Variants in PIM3 observed in about 807,000 individuals in gnomAD.
The protein encoded by PIM3 is serine/threonine-protein kinase pim-3.
A neutral mutation model predicts 27.5 loss-of-function variants in PIM3; 13 were observed. The ratio of observed to expected loss-of-function variants is 0.47; its 90% CI spans 0.31 to 0.75. The LOEUF is 0.75. Among genes scored for constraint, PIM3 ranks in the 30% least tolerant of loss-of-function variants. The pLI is 0.05. For synonymous variants in PIM3, 341 were observed against 221.1 expected, an observed-to-expected ratio of 1.54 and a Z score of -4.81; for missense variants, 482 against 476.9, an observed-to-expected ratio of 1.01 and a Z score of -0.10.
At position 49,963,542 on chromosome 22, in the gene PIM3, C is replaced by G. The variant is rs1025540749; in HGVS notation, c.*415C>G. The G allele has an allele frequency of 6.1e-6, 1 of 163,356 alleles. No individual in the cohort carries two copies. Among genetic ancestry groups the G allele is most frequent in the Non-Finnish European group, 1.3e-5 (1 of 75,046 alleles). 10.1% of individuals were successfully genotyped at this position (163,356 alleles called of 1,614,324 possible). A position where few individuals can be genotyped will look rare whatever the true frequency, so the allele number is the denominator to read the frequency against. On this transcript the variant is annotated 3_prime_UTR_variant, in exon 6 of 6. Transcript: ENST00000360612. ...ATGCAAGTCCTGGCCTCCGCGCCCGCCCGCCCACGCGAGCCGTACCCGCCG... is the reference window on the plus strand; with the variant it reads ...ATGCAAGTCCTGGCCTCCGCGCCCGGCCGCCCACGCGAGCCGTACCCGCCG...
At chr22:49,961,291 C>A (rs1378123758) in intron 2 of PIM3, 27 bp from the exon 3 acceptor site, 1 of 1,540,382 alleles carries the variant, frequency 6.5e-7, no homozygotes, top group Admixed American at 2.0e-5. Flanking sequence ...CCTCGCTTGG[C>A]CCGGCCTGAC....
Position 49,961,165 on chromosome 22 carries a change from G to A in PIM3, c.126G>A (p.Val42=). 1.3e-6 allele frequency: 2 copies of A among 1,532,504 alleles called. No individual in the cohort carries two copies. The highest frequency in any genetic ancestry group is 1.7e-6 in the Non-Finnish European group (2 of 1,143,424). The allele number at this position is 1,532,504 out of a possible 1,614,324, so 94.9% of individuals were successfully genotyped here. A position where few individuals can be genotyped will look rare whatever the true frequency, so the allele number is the denominator to read the frequency against. The change falls in exon 2 of 6, where the codon GTG becomes GTA. Residue 42 remains valine (V), a synonymous_variant. Transcript: ENST00000360612. ...AGAGCTTCGAGAAGGCGTACCAGGTGGGCGCCGTGCTGGGTAGCGGCGGCT... is the reference window on the plus strand; with the variant it reads ...AGAGCTTCGAGAAGGCGTACCAGGTAGGCGCCGTGCTGGGTAGCGGCGGCT... The part of the protein sequence containing the change: ...DKESFEKAYQ[V]GAVLGSGGFG...
In PIM3 at chr22:49,963,296, CT is replaced by C. The variant is rs1407492201; in HGVS notation, c.*171del. The C allele has an allele frequency of 1.3e-5, 10 of 741,104 alleles. No individual in the cohort carries two copies. The Admixed American group carries it at 3.0e-4, about 22-fold the overall frequency. 45.9% of individuals were successfully genotyped at this position (741,104 alleles called of 1,614,324 possible). A position where few individuals can be genotyped will look rare whatever the true frequency, so the allele number is the denominator to read the frequency against. The stretch of plus-strand genomic sequence containing the variant: ...CCTTTTGAACGCTGGTCCCGCGGGA[CT>C]TGGTTTTCTCAAGCTCTGTCTGTCC... On this transcript the variant is annotated 3_prime_UTR_variant, in exon 6 of 6. Coordinates refer to ENST00000360612, the MANE Select transcript of PIM3 (RefSeq NM_001001852.4).
Position 49,963,176 on chromosome 22 carries a change from C to T in PIM3, c.*49C>T, listed in dbSNP as rs536395835. The stretch of plus-strand genomic sequence containing the variant: ...AGGGGACCACCTGCCTTGGCCAGAC[C>T]TGGGACGCCCCCAGACCCTGACTTT... On this transcript the variant is annotated 3_prime_UTR_variant, in exon 6 of 6. Transcript: ENST00000360612. The T allele has an allele frequency of 1.2e-5, 18 of 1,483,256 alleles. No homozygotes were observed. In the South Asian group the frequency reaches 1.3e-4, roughly 11 times the overall value. The allele number at this position is 1,483,256 out of a possible 1,614,324, so 91.9% of individuals were successfully genotyped here. A position where few individuals can be genotyped will look rare whatever the true frequency, so the allele number is the denominator to read the frequency against.
intron 4 of PIM3, among the ~76,000 whole-genome samples, chr22:49,962,442 G>C (rs1408749599): frequency 6.6e-6 from 1 of 150,628 alleles, no homozygotes; most frequent in Non-Finnish European, 1.5e-5. Context: ...GCATCTGTTT[G>C]TTGTGAAAGC....
In PIM3 at chr22:49,963,204, C is replaced by T. The variant is rs914800039; in HGVS notation, c.*77C>T. 4.3e-6 allele frequency: 6 copies of T among 1,403,530 alleles called. No individual in the cohort carries two copies. The African/African-American group carries it at 5.8e-5, about 14-fold the overall frequency. The allele number at this position is 1,403,530 out of a possible 1,614,324, so 86.9% of individuals were successfully genotyped here. On this transcript the variant is annotated 3_prime_UTR_variant, in exon 6 of 6. Coordinates refer to ENST00000360612, the MANE Select transcript of PIM3 (RefSeq NM_001001852.4). The stretch of plus-strand genomic sequence containing the variant: ...GGACGCCCCCAGACCCTGACTTTCT[C>T]CTGCGTGGGCCGTCTCCTCCTGCGG...
At chr22:49,961,959 C>T (rs774847444) in intron 4 of PIM3, 148 bp downstream of exon 4, 12 of 1,258,632 alleles carry the variant, frequency 9.5e-6, no homozygotes, top group African/African-American at 4.6e-5. Flanking sequence ...CACGCGCTAC[C>T]CTGGGGAGGG....
Position 49,961,038 on chromosome 22 carries a change from CGCGGGGCCG to C in PIM3, c.85+17_85+25del, listed in dbSNP as rs946731271. 21 of 1,360,252 alleles carry C rather than the reference CGCGGGGCCG, an allele frequency of 1.5e-5. No individual in the cohort carries two copies. Among genetic ancestry groups the C allele is most frequent in the Non-Finnish European group, 1.9e-5 (20 of 1,045,506 alleles). The allele number at this position is 1,360,252 out of a possible 1,614,324, so 84.3% of individuals were successfully genotyped here. A position where few individuals can be genotyped will look rare whatever the true frequency, so the allele number is the denominator to read the frequency against. On this transcript the variant is annotated splice_region_variant and intron_variant, in intron 1 of 5. Transcript: ENST00000360612. The stretch of plus-strand genomic sequence containing the variant: ...GGTGAAGATCCTGCAGCCAGGTACG[CGCGGGGCCG>C]GCGGGGCCGGGGCCGGGGCCAGGGC...
In PIM3 at chr22:49,961,650, C is replaced by T. The variant is rs1441069279; in HGVS notation, c.455C>T (p.Ala152Val). ...GAGCCGCTGGCGCGCCGCTTCTTCGCGCAGGTGCTGGCCGCCGTGCGCCAC... is the reference window on the plus strand; with the variant it reads ...GAGCCGCTGGCGCGCCGCTTCTTCGTGCAGGTGCTGGCCGCCGTGCGCCAC... ...LDEPLARRFF[A>V]QVLAAVRHCH... The change falls in exon 4 of 6, where the codon GCG becomes GTG. Residue 152 changes from alanine (A) to valine (V), a missense_variant. Transcript: ENST00000360612. 1.3e-6 allele frequency: 2 copies of T among 1,572,464 alleles called. No homozygotes were observed. The highest frequency in any genetic ancestry group is 2.4e-5 in the East Asian group (1 of 42,502).
At position 49,961,639 on chromosome 22, in the gene PIM3, C is replaced by A; in HGVS notation, c.444C>A (p.Arg148=). ...ERGALDEPLA[R]RFFAQVLAAV... The stretch of plus-strand genomic sequence containing the variant: ...GCGCCCTGGACGAGCCGCTGGCGCG[C>A]CGCTTCTTCGCGCAGGTGCTGGCCG... Residue 148 remains arginine (R), a synonymous_variant, in exon 4 of 6, where the codon CGC becomes CGA. Transcript: ENST00000360612. 3.2e-6 allele frequency: 5 copies of A among 1,563,714 alleles called. No homozygotes were observed. Among genetic ancestry groups the A allele is most frequent in the African/African-American group, 1.4e-5 (1 of 73,738 alleles).
Position 49,963,884 on chromosome 22 carries a change from A to G in PIM3, c.*757A>G, listed in dbSNP as rs184757057. 6.6e-6 allele frequency: 1 copy of G among 152,378 alleles called. No homozygotes were observed. Among genetic ancestry groups the G allele is most frequent in the Non-Finnish European group, 1.5e-5 (1 of 68,088 alleles). The allele number at this position is 152,378 out of a possible 1,614,324, so 9.4% of individuals were successfully genotyped here. A position where few individuals can be genotyped will look rare whatever the true frequency, so the allele number is the denominator to read the frequency against. On this transcript the variant is annotated 3_prime_UTR_variant, in exon 6 of 6. Transcript: ENST00000360612. ...GGGTTTTAAATTATTGACTTTGTAC[A>G]GTCTGCTTGTGGGCTCTGAAAGCTG...
At chr22:49,962,536 T>G (rs1403614662) in intron 4 of PIM3, among the ~76,000 whole-genome samples, 153 bp from the exon 5 acceptor site, 1 of 150,378 alleles carries the variant, frequency 6.6e-6, no homozygotes, top group Non-Finnish European at 1.5e-5. Flanking sequence ...CCCCATCGCC[T>G]GCCGGGGTTT....
rs112522237 is a variant in PIM3, at chr22:49,961,046, C to T, written c.85+14C>T. ...TCCTGCAGCCAGGTACGCGCGGGGCCGGCGGGGCCGGGGCCGGGGCCAGGG... is the reference window on the plus strand; with the variant it reads ...TCCTGCAGCCAGGTACGCGCGGGGCTGGCGGGGCCGGGGCCGGGGCCAGGG... On this transcript the variant is annotated intron_variant, in intron 1 of 5. Transcript: ENST00000360612. 34 of 1,348,676 alleles carry T rather than the reference C, an allele frequency of 2.5e-5. No homozygotes were observed. The highest frequency in any genetic ancestry group is 1.5e-4 in the Admixed American group (5 of 34,362). 83.5% of individuals were successfully genotyped at this position (1,348,676 alleles called of 1,614,324 possible).
At position 49,962,935 on chromosome 22, in the gene PIM3, C is replaced by A; in HGVS notation, c.794-5C>A. Reference sequence around the variant, plus strand: ...GGCCCTCCCTGACCTCTCCGCTCCGCACAGAGTGCCAGCAGCTGATCCGGT... The same window carrying A: ...GGCCCTCCCTGACCTCTCCGCTCCGAACAGAGTGCCAGCAGCTGATCCGGT... On this transcript the variant is annotated splice_region_variant and splice_polypyrimidine_tract_variant and intron_variant, in intron 5 of 5. Transcript: ENST00000360612. 3.1e-6 allele frequency: 5 copies of A among 1,602,736 alleles called. No individual in the cohort carries two copies. Among genetic ancestry groups the A allele is most frequent in the Non-Finnish European group, 4.2e-6 (5 of 1,177,386 alleles).
chr22:49,961,365 C>T lies in PIM3; in HGVS notation c.243C>T (p.Ser81=), dbSNP rs1304078407. ...AGGAGCGGGTGACCGAGTGGGGCAG[C>T]CTGGTAAGTTGGGGCACGGGCGGCG... ...VVKERVTEWG[S]LGGATVPLEV... is the part of the protein sequence containing the mutation. The change falls in exon 3 of 6, where the codon AGC becomes AGT. Residue 81 remains serine, a synonymous_variant. Transcript: ENST00000360612. 6.6e-7 allele frequency: 1 copy of T among 1,516,316 alleles called. No individual in the cohort carries two copies. The highest frequency in any genetic ancestry group is 8.8e-7 in the Non-Finnish European group (1 of 1,137,830). The allele number at this position is 1,516,316 out of a possible 1,614,324, so 93.9% of individuals were successfully genotyped here.
At chr22:49,962,555 T>A in intron 4 of PIM3, 134 bp from the exon 5 acceptor site, 1 of 1,007,574 alleles carries the variant, frequency 9.9e-7, no homozygotes, top group Non-Finnish European at 1.4e-6. Context: ...TTTTCCAGGG[T>A]GATGACGAGC....
chr22:49,961,860 G>C (rs758338619), intron 4 of PIM3, 49 bp downstream of exon 4: 2 of 1,599,432 alleles, frequency 1.3e-6, no homozygotes, highest in South Asian at 1.1e-5. Context: ...TTGCCGGCGG[G>C]TTAACGCCTG....
At chr22:49,962,581 G>A in intron 4 of PIM3, 108 bp from the exon 5 acceptor site, 1 of 1,274,662 alleles carries the variant, frequency 7.8e-7, no homozygotes, top group Non-Finnish European at 1.1e-6. Context: ...TTTGAGGCCT[G>A]GCTCTGCTTC....
chr22:49,963,311 CTCTG>C lies in PIM3; in HGVS notation c.*191_*194del, dbSNP rs1420477872. 11 of 668,000 alleles carry C rather than the reference CTCTG, an allele frequency of 1.6e-5. No individual in the cohort carries two copies. The highest frequency in any genetic ancestry group is 2.4e-5 in the Non-Finnish European group (10 of 414,216). The allele number at this position is 668,000 out of a possible 1,614,324, so 41.4% of individuals were successfully genotyped here. A position where few individuals can be genotyped will look rare whatever the true frequency, so the allele number is the denominator to read the frequency against. Reference sequence around the variant, plus strand: ...TCCCGCGGGACTTGGTTTTCTCAAGCTCTGTCTGTCCAAAGACGCTCCGGTCGAG... The same window carrying C: ...TCCCGCGGGACTTGGTTTTCTCAAGCTCTGTCCAAAGACGCTCCGGTCGAG... On this transcript the variant is annotated 3_prime_UTR_variant, in exon 6 of 6. Coordinates refer to ENST00000360612, the MANE Select transcript of PIM3 (RefSeq NM_001001852.4).
Sources: allele counts gnomAD v4.1 joint callset (sites outside exome capture counted in the v4.1 genomes callset), GRCh38; gene constraint gnomAD v4.1.1; transcripts MANE v1.5; gene names NCBI Gene and HGNC (gene_info 2026-07-23, HGNC 2026-07-21).